The following TENM1 variants were observed in gnomAD, a reference collection of about 807,000 sequenced individuals.
TENM1 encodes teneurin transmembrane protein 1.
TENM1 carries 35 observed loss-of-function variants against 174.8 expected under a neutral mutation model. That is an observed-to-expected ratio of 0.20 (90% CI 0.15 to 0.27). The LOEUF (loss-of-function observed/expected upper bound fraction) is 0.27, where lower values mean the gene tolerates loss of function less well. Among genes scored for constraint, TENM1 ranks in the 10% least tolerant of loss-of-function variants. The pLI is 1.00. For missense variants in TENM1, 1,633 were observed against 2,130.1 expected, an observed-to-expected ratio of 0.77 and a Z score of 4.59; for synonymous variants, 781 against 798.7, an observed-to-expected ratio of 0.98 and a Z score of 0.37.
exon 14 of TENM1, chrX:124,561,684 C>G (rs1322659158): frequency 1.7e-6 from 2 of 1,210,810 alleles, no homozygotes; most frequent in East Asian, 3.0e-5. Flanking sequence ...CATCATTGTC[C>G]AAGTTATCTC....
intron 22 of TENM1, among the ~76,000 whole-genome samples, chrX:124,462,434 G>GGT (rs1192191999): frequency 2.0e-5 from 2 of 99,051 alleles, no homozygotes; most frequent in African/African-American, 7.9e-5. Flanking sequence ...GTGTGTGTGG[G>GGT]GGGGGTGGGG....
At chrX:124,898,335 T>C (rs1057330337) in intron 1 of TENM1, among the ~76,000 whole-genome samples, 1 of 111,042 alleles carries the variant, frequency 9.0e-6, no homozygotes, top group Non-Finnish European at 1.9e-5. Context: ...ATCCAGGGAA[T>C]GGGTAGTAGT....
intron 3 of TENM1, among the ~76,000 whole-genome samples, chrX:124,792,749 A>T (rs2055207670): frequency 8.9e-6 from 1 of 112,587 alleles, no homozygotes; most frequent in Non-Finnish European, 1.9e-5. Context: ...ATTAAAAATC[A>T]GTTGATTACA....
Position 124,564,953 on chromosome X carries a change from T to C in TENM1, c.2263+422A>G, listed in dbSNP as rs775122673. Among the ~76,000 whole-genome samples the C allele has an allele frequency of 1.2e-4, 13 of 111,569 alleles. No homozygotes were observed. In the South Asian group the frequency reaches 4.9e-3, roughly 42 times the overall value. ...GCCTCTAATGATATCGAATGGCCCC[T>C]GTTAAAGTAGTCCCATTTAATGAAA... On this transcript the variant is annotated intron_variant, in intron 12 of 31. Coordinates refer to ENST00000422452, the Ensembl canonical transcript of TENM1.
chrX:124,611,118 C>T (rs763920573), intron 11 of TENM1, among the ~76,000 whole-genome samples: 4 of 111,897 alleles, frequency 3.6e-5, no homozygotes, highest in Non-Finnish European at 7.5e-5. Context: ...GCTTATTTTT[C>T]ATTCATGCTA....
intron 22 of TENM1, among the ~76,000 whole-genome samples, chrX:124,469,382 C>T (rs762974848): frequency 9.0e-5 from 10 of 111,553 alleles, no homozygotes; most frequent in African/African-American, 3.3e-4. Flanking sequence ...CTCTATAAAC[C>T]CATAATGAAG....
At chrX:124,940,693 T>C (rs2058313312) in intron 1 of TENM1, among the ~76,000 whole-genome samples, 1 of 111,121 alleles carries the variant, frequency 9.0e-6, no homozygotes, top group African/African-American at 3.3e-5. Flanking sequence ...CCCTGAATCT[T>C]GGCAGACGAC....
At chrX:124,991,133 T>C in the TENM1 span, among the ~76,000 whole-genome samples, 2 of 111,163 alleles carry the variant, frequency 1.8e-5, no homozygotes, top group Non-Finnish European at 3.8e-5. Flanking sequence ...TCCTGCCATG[T>C]TGGGGAGAAG....
chrX:124,576,732 C>A (rs1362401999), intron 11 of TENM1, among the ~76,000 whole-genome samples: 3 of 112,170 alleles, frequency 2.7e-5, no homozygotes, highest in Non-Finnish European at 5.6e-5. Context: ...GTTTAACATT[C>A]TTGGGCATAA....
the TENM1 span, among the ~76,000 whole-genome samples, chrX:125,106,700 C>A: frequency 8.9e-6 from 1 of 112,194 alleles, no homozygotes; most frequent in Non-Finnish European, 1.9e-5. Context: ...TGAGCCACTG[C>A]GCCCAGCCTA....
At chrX:124,657,035 C>T (rs2051464304) in intron 6 of TENM1, among the ~76,000 whole-genome samples, 1 of 111,393 alleles carries the variant, frequency 9.0e-6, no homozygotes, top group Admixed American at 9.6e-5. Flanking sequence ...AACACTGACT[C>T]TGATCCTTTG....
intron 25 of TENM1, among the ~76,000 whole-genome samples, chrX:124,415,365 T>C (rs1182061640): frequency 1.8e-5 from 2 of 111,739 alleles, no homozygotes; most frequent in Admixed American, 9.5e-5. Context: ...GGTTTCAGTA[T>C]AATTCTGGCT....
chrX:124,623,392 C>T (rs1341288684), intron 11 of TENM1, among the ~76,000 whole-genome samples: 6 of 111,552 alleles, frequency 5.4e-5, no homozygotes, highest in African/African-American at 2.0e-4. Flanking sequence ...ATTCGCTTGA[C>T]TTTGTGATAG....
chrX:124,580,439 C>G (rs889565625), intron 11 of TENM1, among the ~76,000 whole-genome samples: 3 of 108,942 alleles, frequency 2.8e-5, no homozygotes, highest in Non-Finnish European at 5.7e-5. Flanking sequence ...TATACACATA[C>G]ATATAGATAT....
intron 11 of TENM1, among the ~76,000 whole-genome samples, chrX:124,579,769 A>T (rs2049256944): frequency 8.9e-6 from 1 of 112,035 alleles, no homozygotes; most frequent in Non-Finnish European, 1.9e-5. Context: ...TGATTTAACA[A>T]ACATTTATTG....
intron 25 of TENM1, among the ~76,000 whole-genome samples, chrX:124,418,257 C>G (rs35873210): frequency 0.011 from 1,262 of 111,823 alleles, 10 homozygotes; most frequent in Middle Eastern, 0.023. Flanking sequence ...ACTTCCATCA[C>G]AATGGCTGCC....
chrX:124,765,213 C>G (rs1288046929), intron 3 of TENM1, among the ~76,000 whole-genome samples: 1 of 111,908 alleles, frequency 8.9e-6, no homozygotes, highest in Non-Finnish European at 1.9e-5. Flanking sequence ...TCACAAACTC[C>G]TGCTGCTGAA....
At chrX:124,796,716 C>A (rs1243567435) in intron 3 of TENM1, among the ~76,000 whole-genome samples, 1 of 111,278 alleles carries the variant, frequency 9.0e-6, no homozygotes, top group Non-Finnish European at 1.9e-5. Flanking sequence ...TATAAAATAT[C>A]AACCTATCTT....
chrX:125,133,265 C>G, the TENM1 span, among the ~76,000 whole-genome samples: 39 of 111,784 alleles, frequency 3.5e-4, no homozygotes, highest in African/African-American at 1.2e-3. Context: ...AAGGGAGGGC[C>G]TTTAGGGATT....
Sources: allele counts gnomAD v4.1 joint callset (sites outside exome capture counted in the v4.1 genomes callset), GRCh38; gene constraint gnomAD v4.1.1; transcripts MANE v1.5; gene names NCBI Gene and HGNC (gene_info 2026-07-23, HGNC 2026-07-21).